The following TTC39C variants were observed in gnomAD, a reference collection of about 807,000 sequenced individuals.
TTC39C encodes tetratricopeptide repeat domain 39C, also known as tetratricopeptide repeat protein 39C.
Under a neutral mutation model 76.3 loss-of-function variants are expected in TTC39C, and 33 were observed. The ratio of observed to expected loss-of-function variants is 0.43; its 90% CI spans 0.33 to 0.58. The LOEUF (loss-of-function observed/expected upper bound fraction) is 0.58. Among genes scored for constraint, TTC39C ranks in the 20% least tolerant of loss-of-function variants. The probability of loss-of-function intolerance (pLI) is 0.04; values close to 1 mark genes in which losing one functional copy is unlikely to be tolerated. For missense variants in TTC39C, 595 were observed against 701.4 expected (o/e 0.85, Z 1.71); for synonymous variants, 254 against 260.6 (o/e 0.97, Z 0.24).
At chr18:24,021,563 C>CT (rs2083518501) in intron 1 of TTC39C, among the ~76,000 whole-genome samples, 1 of 105,648 alleles carries the variant, frequency 9.5e-6, no homozygotes, top group East Asian at 3.0e-4. Context: ...TTTTTTTTTC[C>CT]GAGACAGAGT....
At chr18:24,066,858 C>T (rs1470933778) in intron 3 of TTC39C, among the ~76,000 whole-genome samples, 1 of 152,144 alleles carries the variant, frequency 6.6e-6, no homozygotes, top group Admixed American at 6.5e-5. Flanking sequence ...TCCAGAGGGC[C>T]AGAGTTTTCC....
At chr18:24,002,652 C>T (rs1170512008) in intron 1 of TTC39C, among the ~76,000 whole-genome samples, 1 of 152,116 alleles carries the variant, frequency 6.6e-6, no homozygotes. Context: ...TAGACTCTTG[C>T]AATGTGCAGG....
At chr18:24,109,268 A>T (rs1227377974) in intron 6 of TTC39C, among the ~76,000 whole-genome samples, 1 of 151,450 alleles carries the variant, frequency 6.6e-6, no homozygotes, top group Admixed American at 6.6e-5. Context: ...AGGTGGGAGG[A>T]TTGCTTGAGC....
At chr18:24,005,851 A>C (rs2083347579) in intron 1 of TTC39C, among the ~76,000 whole-genome samples, 2 of 151,778 alleles carry the variant, frequency 1.3e-5, no homozygotes, top group African/African-American at 4.8e-5. Context: ...TCTCAAAAAA[A>C]AAAAAACAAA....
In TTC39C at chr18:24,085,728, G is replaced by A. The variant is rs576101731; in HGVS notation, c.984+2647G>A. Reference sequence around the variant, plus strand: ...TGCTAGAACTCCTTCACAGTTAAGCGGCACTTAACACAGTTAAGTTTTAAG... The same window carrying A: ...TGCTAGAACTCCTTCACAGTTAAGCAGCACTTAACACAGTTAAGTTTTAAG... On this transcript the variant is annotated intron_variant, in intron 6 of 13. Coordinates refer to ENST00000317571, the MANE Select transcript of TTC39C (RefSeq NM_001135993.2). Among the ~76,000 whole-genome samples the A allele has an allele frequency of 7.9e-5, 12 of 152,268 alleles. No homozygotes were observed. The East Asian group carries it at 1.9e-3, about 25-fold the overall frequency.
chr18:24,047,104 C>G (rs1348593323), intron 1 of TTC39C, among the ~76,000 whole-genome samples: 1 of 150,046 alleles, frequency 6.7e-6, no homozygotes, highest in Admixed American at 6.6e-5. Context: ...CTTTTTTTTT[C>G]TTTTTTTGAG....
At chr18:24,021,561 TCC>T (rs2083518422) in intron 1 of TTC39C, among the ~76,000 whole-genome samples, 1 of 144,254 alleles carries the variant, frequency 6.9e-6, no homozygotes, top group African/African-American at 2.6e-5. Context: ...TTTTTTTTTT[TCC>T]GAGACAGAGT....
At chr18:24,113,782 T>TGAC (rs1240101325) in intron 6 of TTC39C, 24 of 680,896 alleles carry the variant, frequency 3.5e-5, no homozygotes, top group Non-Finnish European at 5.4e-5. Flanking sequence ...AGACCCTGAG[T>TGAC]GACATCTTCA....
At chr18:24,121,323 A>G (rs2084965229) in intron 8 of TTC39C, among the ~76,000 whole-genome samples, 1 of 152,196 alleles carries the variant, frequency 6.6e-6, no homozygotes, top group South Asian at 2.1e-4. Flanking sequence ...CTGTAATCCC[A>G]GTACTTTGGG....
rs866704830 is a variant in TTC39C, at chr18:24,066,252, A to G, written c.345+112A>G. ...GGTTTTAGTATTTAGAATATGACTG[A>G]AAAACCACAATGTTTCTTATGGTTT... On this transcript the variant is annotated intron_variant, in intron 3 of 13. Coordinates refer to ENST00000317571, the MANE Select transcript of TTC39C (RefSeq NM_001135993.2). 8 of 1,331,034 alleles carry G rather than the reference A, an allele frequency of 6.0e-6. No homozygotes were observed. In the Admixed American group the frequency reaches 1.1e-4, roughly 18 times the overall value. The allele number at this position is 1,331,034 out of a possible 1,614,324, so 82.5% of individuals were successfully genotyped here. A position where few individuals can be genotyped will look rare whatever the true frequency, so the allele number is the denominator to read the frequency against.
At chr18:24,080,078 A>G (rs1568429749) in intron 4 of TTC39C, among the ~76,000 whole-genome samples, 1 of 152,230 alleles carries the variant, frequency 6.6e-6, no homozygotes, top group Non-Finnish European at 1.5e-5. Context: ...CTGAGATTAC[A>G]GGCATGAGCC....
At chr18:24,111,508 G>T (rs1441478977) in intron 6 of TTC39C, among the ~76,000 whole-genome samples, 1 of 151,372 alleles carries the variant, frequency 6.6e-6, no homozygotes, top group Non-Finnish European at 1.5e-5. Context: ...GGCAGAGGTT[G>T]CATTGAGCCA....
chr18:24,134,281 T>TTG lies in TTC39C; in HGVS notation c.*1708_*1709insGT, dbSNP rs2085172121. 1.5e-5 allele frequency: 2 copies of TTG among 137,378 alleles called. No individual in the cohort carries two copies. The highest frequency in any genetic ancestry group is 5.5e-5 in the African/African-American group (2 of 36,466). The allele number at this position is 137,378 out of a possible 1,614,324, so 8.5% of individuals were successfully genotyped here. A position where few individuals can be genotyped will look rare whatever the true frequency, so the allele number is the denominator to read the frequency against. ...TGTTTTTTGTTTTTTTTTTTTTTTT[T>TTG]TTTTTTTTTTGAGACGGAGTCTCGC... On this transcript the variant is annotated 3_prime_UTR_variant, in exon 14 of 14. Coordinates refer to ENST00000317571, the MANE Select transcript of TTC39C (RefSeq NM_001135993.2).
intron 1 of TTC39C, among the ~76,000 whole-genome samples, chr18:24,024,000 A>ATTT (rs2083562585): frequency 2.5e-4 from 1 of 3,922 alleles, no homozygotes; most frequent in Non-Finnish European, 5.9e-4. Context: ...ATATATATAT[A>ATTT]TATATATATA....
At chr18:24,021,824 C>CAGTT (rs1488279323) in intron 1 of TTC39C, among the ~76,000 whole-genome samples, 2 of 152,286 alleles carry the variant, frequency 1.3e-5, no homozygotes, top group African/African-American at 4.8e-5. Flanking sequence ...CAGGAAAACT[C>CAGTT]AGTTATTACA....
intron 8 of TTC39C, among the ~76,000 whole-genome samples, chr18:24,120,271 AC>A (rs1217609145): frequency 6.6e-6 from 1 of 152,082 alleles, no homozygotes; most frequent in Admixed American, 6.5e-5. Flanking sequence ...AATCACTTGA[AC>A]CCAGGAGGCA....
At chr18:24,036,769 C>A (rs1363930079) in intron 1 of TTC39C, among the ~76,000 whole-genome samples, 2 of 152,074 alleles carry the variant, frequency 1.3e-5, no homozygotes, top group Non-Finnish European at 2.9e-5. Flanking sequence ...GTAGCTGGAG[C>A]TACAGGTGTG....
At chr18:24,124,954 G>A (rs1024491912) in intron 9 of TTC39C, among the ~76,000 whole-genome samples, 13 of 152,164 alleles carry the variant, frequency 8.5e-5, no homozygotes, top group South Asian at 2.1e-4. Flanking sequence ...GTGCAATGGC[G>A]TAATCTTGGC....
rs373392503 is a variant in TTC39C at position 24,017,268 on chromosome 18, G to A, written c.167+2230G>A. Among the ~76,000 whole-genome samples the A allele has an allele frequency of 2.1e-4, 32 of 152,296 alleles. No homozygotes were observed. In the South Asian group the frequency reaches 6.4e-3, roughly 31 times the overall value. On this transcript the variant is annotated intron_variant, in intron 1 of 13. Coordinates refer to ENST00000317571, the MANE Select transcript of TTC39C (RefSeq NM_001135993.2). ...TCTGATGTATGTTTTGGAAAGCACGGTTGCATACAGGTGTGATCATGGACC... is the reference window on the plus strand; with the variant it reads ...TCTGATGTATGTTTTGGAAAGCACGATTGCATACAGGTGTGATCATGGACC...
Sources: allele counts gnomAD v4.1 joint callset (sites outside exome capture counted in the v4.1 genomes callset), GRCh38; gene constraint gnomAD v4.1.1; transcripts MANE v1.5; gene names NCBI Gene and HGNC (gene_info 2026-07-23, HGNC 2026-07-21).